ALK: variants seen among roughly 807,000 people sequenced by gnomAD.
ALK encodes ALK tyrosine kinase receptor.
In ALK, 74 loss-of-function variants were observed where a neutral mutation model predicts 163.1. The ratio of observed to expected loss-of-function variants is 0.45; its 90% CI spans 0.38 to 0.55. The LOEUF is 0.55. Among genes scored for constraint, ALK ranks in the 20% least tolerant of loss-of-function variants. The pLI is 0.00. For synonymous variants in ALK, 960 were observed against 843.2 expected (o/e 1.14, Z -2.40); for missense variants, 2,063 against 2,105.3 (o/e 0.98, Z 0.39).
rs1669773204 is a variant in ALK at position 29,220,573 on chromosome 2, C to G, written c.3645+133G>C. 3 of 1,275,590 alleles carry G rather than the reference C, an allele frequency of 2.4e-6. No individual in the cohort carries two copies. The Admixed American group carries it at 6.0e-5, about 25-fold the overall frequency. The allele number at this position is 1,275,590 out of a possible 1,614,324, so 79.0% of individuals were successfully genotyped here. A position where few individuals can be genotyped will look rare whatever the true frequency, so the allele number is the denominator to read the frequency against. On this transcript the variant is annotated intron_variant, in intron 23 of 28. Coordinates refer to ENST00000389048, the MANE Select transcript of ALK (RefSeq NM_004304.5). The stretch of plus-strand genomic sequence containing the variant: ...TTCTCTTCCAGCCAGTCAGTCACCC[C>G]CCTGTCCAAGCCTAAAGTTGACACC...
At position 29,462,237 on chromosome 2, in the gene ALK, TA is replaced by T. The variant is rs577957561; in HGVS notation, c.1154+69677del. Among the ~76,000 whole-genome samples the T allele has an allele frequency of 9.3e-4, 141 of 152,314 alleles. 1 individual carries two copies. The highest frequency in any genetic ancestry group is 1.9e-3 in the Non-Finnish European group (129 of 68,014). On this transcript the variant is annotated intron_variant, in intron 4 of 28. Transcript: ENST00000389048. Reference sequence around the variant, plus strand: ...CATTGTTGAAATGACAAAAAGGATTTAAAATATTTCATAAACTTAGCTGATA... The same window carrying T: ...CATTGTTGAAATGACAAAAAGGATTTAAATATTTCATAAACTTAGCTGATA...
chr2:29,335,039 C>T (rs541835106), intron 5 of ALK, among the ~76,000 whole-genome samples: 137 of 152,232 alleles, frequency 9.0e-4, no homozygotes, highest in African/African-American at 2.9e-3. Context: ...CCTGAGGCCC[C>T]GGCTGGCCAC....
At chr2:29,268,405 T>C (rs1665294286) in intron 11 of ALK, among the ~76,000 whole-genome samples, 1 of 152,188 alleles carries the variant, frequency 6.6e-6, no homozygotes, top group South Asian at 2.1e-4. Flanking sequence ...ATCAGAAGTC[T>C]CTCTTGTGCT....
intron 8 of ALK, among the ~76,000 whole-genome samples, chr2:29,297,589 C>T (rs4666195): frequency 0.89 from 135,959 of 152,258 alleles, 61,934 homozygotes; most frequent in Non-Finnish European, 0.98. Context: ...AATGACTTGA[C>T]ACCTGTGGCC....
chr2:29,564,516 TAGA>T (rs768121324), intron 3 of ALK, among the ~76,000 whole-genome samples: 4 of 151,366 alleles, frequency 2.6e-5, no homozygotes, highest in Non-Finnish European at 5.9e-5. Context: ...CGCCATCTCC[TAGA>T]AGATTTCCTG....
intron 4 of ALK, among the ~76,000 whole-genome samples, chr2:29,526,940 G>C (rs1047547722): frequency 1.5e-4 from 23 of 152,348 alleles, no homozygotes; most frequent in African/African-American, 5.5e-4. Flanking sequence ...CTGTGCATTA[G>C]TGGTGAAGGT....
At chr2:29,565,853 T>C (rs531148067) in intron 3 of ALK, among the ~76,000 whole-genome samples, 2 of 152,150 alleles carry the variant, frequency 1.3e-5, no homozygotes, top group African/African-American at 2.4e-5. Flanking sequence ...ATTGGCGAGA[T>C]TAAATTAACA....
At chr2:29,372,482 C>T (rs1558698595) in intron 5 of ALK, among the ~76,000 whole-genome samples, 1 of 152,202 alleles carries the variant, frequency 6.6e-6, no homozygotes, top group Non-Finnish European at 1.5e-5. Context: ...GCCAACAATA[C>T]CATGATCTGC....
chr2:29,753,634 T>C (rs1434203271), intron 1 of ALK, among the ~76,000 whole-genome samples: 1 of 152,174 alleles, frequency 6.6e-6, no homozygotes, highest in Non-Finnish European at 1.5e-5. Flanking sequence ...TTCTTTCATG[T>C]TGGAAACATT....
intron 1 of ALK, among the ~76,000 whole-genome samples, chr2:29,888,394 T>C (rs533354772): frequency 6.6e-5 from 10 of 152,264 alleles, no homozygotes; most frequent in African/African-American, 2.2e-4. Context: ...AGATAAAATA[T>C]GGTGATGTCT....
At chr2:29,527,685 A>AT (rs912208057) in intron 4 of ALK, among the ~76,000 whole-genome samples, 3 of 151,638 alleles carry the variant, frequency 2.0e-5, no homozygotes, top group Non-Finnish European at 2.9e-5. Flanking sequence ...CTAAAAATAT[A>AT]TTTTTTTTGT....
chr2:29,774,334 GAATCCAC>G (rs1437711349), intron 1 of ALK, among the ~76,000 whole-genome samples: 1 of 152,182 alleles, frequency 6.6e-6, no homozygotes, highest in Non-Finnish European at 1.5e-5. Context: ...AGAAGGACAA[GAATCCAC>G]TGTGGGGTTG....
At chr2:29,678,658 A>T (rs1677966416) in intron 3 of ALK, among the ~76,000 whole-genome samples, 1 of 151,330 alleles carries the variant, frequency 6.6e-6, no homozygotes, top group South Asian at 2.1e-4. Flanking sequence ...TGAAGGATAT[A>T]CTTTTTAAAT....
chr2:29,565,736 C>G (rs1165025880), intron 3 of ALK, among the ~76,000 whole-genome samples: 1 of 152,192 alleles, frequency 6.6e-6, no homozygotes, highest in Admixed American at 6.5e-5. Context: ...GCACACTGCA[C>G]AGCAGCCATC....
intron 4 of ALK, among the ~76,000 whole-genome samples, chr2:29,531,026 G>T (rs1226367724): frequency 6.6e-6 from 1 of 152,176 alleles, no homozygotes; most frequent in Non-Finnish European, 1.5e-5. Flanking sequence ...AAAGCAACAG[G>T]CAGGATCTCT....
chr2:29,732,677 G>A (rs184986908), intron 1 of ALK, among the ~76,000 whole-genome samples: 127 of 152,200 alleles, frequency 8.3e-4, no homozygotes, highest in African/African-American at 2.9e-3. Context: ...TAGGGCTTTT[G>A]GCAGAGCTCT....
At chr2:29,412,599 T>C (rs1284408549) in intron 4 of ALK, among the ~76,000 whole-genome samples, 1 of 152,164 alleles carries the variant, frequency 6.6e-6, no homozygotes, top group Non-Finnish European at 1.5e-5. Context: ...TTCCCCACAA[T>C]CAGCTTATCT....
intron 4 of ALK, among the ~76,000 whole-genome samples, chr2:29,449,735 C>G (rs1670776224): frequency 6.6e-6 from 1 of 152,182 alleles, no homozygotes; most frequent in South Asian, 2.1e-4. Context: ...CTCAGAACCC[C>G]CATCTGTTCT....
intron 2 of ALK, among the ~76,000 whole-genome samples, chr2:29,696,596 A>G (rs1678571431): frequency 6.6e-6 from 1 of 150,754 alleles, no homozygotes; most frequent in African/African-American, 2.4e-5. Flanking sequence ...TTTGCAGAGG[A>G]GGATAAGGCC....
Sources: gnomAD v4.1 joint callset for allele counts (sites outside exome capture counted in the v4.1 genomes callset) on GRCh38, gnomAD v4.1.1 for gene constraint, MANE v1.5 for transcripts, NCBI Gene and HGNC (gene_info 2026-07-23, HGNC 2026-07-21) for gene names.